PACS1: variants seen among roughly 807,000 people sequenced by gnomAD.
PACS1 encodes the protein phosphofurin acidic cluster sorting protein 1.
Under a neutral mutation model 115.0 loss-of-function variants are expected in PACS1, and 24 were observed. That is an observed-to-expected ratio of 0.21 (90% confidence interval 0.15 to 0.29). PACS1 has a LOEUF of 0.29. PACS1 is among the 10% of genes least tolerant of loss of function. The probability of loss-of-function intolerance (pLI) is 1.00; values close to 1 mark genes in which losing one functional copy is unlikely to be tolerated. For synonymous variants in PACS1, 453 were observed against 504.5 expected, an observed-to-expected ratio of 0.90 and a Z score of 1.37; for missense variants, 838 against 1,251.2, an observed-to-expected ratio of 0.67 and a Z score of 4.98.
chr11:66,217,360 A>AGTCC (rs1855237393), intron 7 of PACS1: 1 of 335,818 alleles, frequency 3.0e-6, no homozygotes, highest in Admixed American at 4.1e-5. Context: ...GTCCTGAACT[A>AGTCC]AGAAGCTAAA....
intron 1 of PACS1, among the ~76,000 whole-genome samples, chr11:66,130,592 T>C (rs1858676622): frequency 6.6e-6 from 1 of 152,200 alleles, no homozygotes; most frequent in Non-Finnish European, 1.5e-5. Flanking sequence ...TTTATATAAA[T>C]AGTATTACAT....
intron 9 of PACS1, 45 bp downstream of exon 9, chr11:66,220,836 G>T (rs374627872): frequency 3.6e-5 from 58 of 1,595,506 alleles, no homozygotes; most frequent in Non-Finnish European, 4.4e-5. Flanking sequence ...CTCCTTCCTG[G>T]CCATAGCAGT....
intron 1 of PACS1, among the ~76,000 whole-genome samples, chr11:66,139,321 T>G (rs1191862247): frequency 6.6e-6 from 1 of 152,232 alleles, no homozygotes; most frequent in Non-Finnish European, 1.5e-5. Flanking sequence ...CATTTATCCT[T>G]TGTGTTACAG....
chr11:66,198,804 T>C (rs1487392432), intron 2 of PACS1, among the ~76,000 whole-genome samples: 1 of 152,226 alleles, frequency 6.6e-6, no homozygotes, highest in Non-Finnish European at 1.5e-5. Context: ...CTATGTCTTC[T>C]CACTAAATTA....
In PACS1 at chr11:66,202,740, AAAATATATATATATATATATAT is replaced by A. The variant is rs1264688855; in HGVS notation, c.445-7620_445-7599del. On this transcript the variant is annotated intron_variant, in intron 2 of 23. Transcript: ENST00000320580. Reference sequence around the variant, plus strand: ...CTCATCTCTAGGAAAAAAAAAAAAAAAAATATATATATATATATATATATATATATATATATATATATTCTGA... The same window carrying A: ...CTCATCTCTAGGAAAAAAAAAAAAAAATATATATATATATATATATTCTGA... Among the ~76,000 whole-genome samples the A allele has an allele frequency of 9.2e-4, 79 of 85,950 alleles. 11 individuals carry two copies. Among genetic ancestry groups the A allele is most frequent in the Non-Finnish European group, 1.5e-3 (70 of 47,530 alleles). The allele number at this position is 85,950 out of a possible 152,430, so 56.4% of individuals were successfully genotyped here. A position where few individuals can be genotyped will look rare whatever the true frequency, so the allele number is the denominator to read the frequency against.
chr11:66,181,065 G>GGAAT (rs1407393281), intron 1 of PACS1, among the ~76,000 whole-genome samples: 1 of 152,046 alleles, frequency 6.6e-6, no homozygotes, highest in East Asian at 1.9e-4. Context: ...GTCTGCAGAA[G>GGAAT]GAATGTTCTG....
chr11:66,187,485 G>A (rs913720554), intron 1 of PACS1, among the ~76,000 whole-genome samples: 5 of 151,966 alleles, frequency 3.3e-5, no homozygotes, highest in Admixed American at 6.6e-5. Context: ...TCAGCCTCTG[G>A]TATCATCTGT....
chr11:66,143,321 T>C (rs1237964540), intron 1 of PACS1, among the ~76,000 whole-genome samples: 1 of 152,150 alleles, frequency 6.6e-6, no homozygotes, highest in Non-Finnish European at 1.5e-5. Context: ...AGGTGGAGCA[T>C]CCCCTGTTGG....
At position 66,221,037 on chromosome 11, in the gene PACS1, G is replaced by A; in HGVS notation, c.1200-117G>A. ...TCACCCTGCACTTCCCTGCTCACCG[G>A]GCGTTCTGGACACCTGTAGCTTGTT... On this transcript the variant is annotated intron_variant, in intron 9 of 23. Coordinates refer to ENST00000320580, the MANE Select transcript of PACS1 (RefSeq NM_018026.4). 3 of 1,014,282 alleles carry A rather than the reference G, an allele frequency of 3.0e-6. No homozygotes were observed. In the South Asian group the frequency reaches 4.0e-5, roughly 14 times the overall value. 62.8% of individuals were successfully genotyped at this position (1,014,282 alleles called of 1,614,324 possible). A position where few individuals can be genotyped will look rare whatever the true frequency, so the allele number is the denominator to read the frequency against.
intron 1 of PACS1, among the ~76,000 whole-genome samples, chr11:66,086,134 CTTTT>C (rs1196106929): frequency 1.6e-5 from 2 of 122,814 alleles, no homozygotes; most frequent in African/African-American, 6.2e-5. Context: ...CTTATGATTT[CTTTT>C]TTTTTTTTTT....
chr11:66,084,743 A>C (rs939323707), intron 1 of PACS1, among the ~76,000 whole-genome samples: 2 of 152,170 alleles, frequency 1.3e-5, no homozygotes. Flanking sequence ...GTTTTCTTTA[A>C]AAATAATTAT....
At chr11:66,143,233 G>C (rs1590775471) in intron 1 of PACS1, among the ~76,000 whole-genome samples, 1 of 152,112 alleles carries the variant, frequency 6.6e-6, no homozygotes. Flanking sequence ...TGGACTGCTG[G>C]CTTCAAGAGA....
intron 10 of PACS1, among the ~76,000 whole-genome samples, chr11:66,222,756 C>T (rs1855380321): frequency 6.6e-6 from 1 of 152,102 alleles, no homozygotes; most frequent in Non-Finnish European, 1.5e-5. Context: ...AGGCCTCTAC[C>T]GCTGAAAAGC....
chr11:66,189,532 A>C (rs17307346), intron 1 of PACS1, among the ~76,000 whole-genome samples: 17,249 of 152,264 alleles, frequency 0.11, 1,439 homozygotes, highest in Admixed American at 0.24. Flanking sequence ...ACAGAACGTA[A>C]CGTGATTGTT....
chr11:66,191,738 G>A (rs1452074559), intron 1 of PACS1, among the ~76,000 whole-genome samples: 1 of 152,134 alleles, frequency 6.6e-6, no homozygotes, highest in Non-Finnish European at 1.5e-5. Context: ...GAAAGTACTT[G>A]GGTGACTGGG....
chr11:66,071,784 G>A (rs1857313721), intron 1 of PACS1, among the ~76,000 whole-genome samples: 1 of 152,140 alleles, frequency 6.6e-6, no homozygotes, highest in Non-Finnish European at 1.5e-5. Flanking sequence ...CCTCACTGTT[G>A]GTTAGGCAGA....
At chr11:66,108,863 TG>T (rs1449506182) in intron 1 of PACS1, among the ~76,000 whole-genome samples, 2 of 152,034 alleles carry the variant, frequency 1.3e-5, no homozygotes, top group Non-Finnish European at 2.9e-5. Context: ...CCTAGCTACT[TG>T]GGGCTGAGGT....
At chr11:66,089,076 C>T (rs1857616841) in intron 1 of PACS1, among the ~76,000 whole-genome samples, 1 of 151,942 alleles carries the variant, frequency 6.6e-6, no homozygotes, top group Non-Finnish European at 1.5e-5. Context: ...TCATTCTATC[C>T]CTGGGCAGAA....
intron 1 of PACS1, among the ~76,000 whole-genome samples, chr11:66,172,941 A>C (rs1213776698): frequency 6.7e-6 from 1 of 148,382 alleles, no homozygotes; most frequent in Non-Finnish European, 1.5e-5. Context: ...ACACCACTGC[A>C]CGCCAGCCTG....
Sources: gnomAD v4.1 joint callset for allele counts (sites outside exome capture counted in the v4.1 genomes callset) on GRCh38, gnomAD v4.1.1 for gene constraint, MANE v1.5 for transcripts, NCBI Gene and HGNC (gene_info 2026-07-23, HGNC 2026-07-21) for gene names.